AGBL1: variants seen among roughly 807,000 people sequenced by gnomAD.
The protein encoded by AGBL1 is cytosolic carboxypeptidase 4.
Under a neutral mutation model 118.9 loss-of-function variants are expected in AGBL1, and 130 were observed. The observed-to-expected ratio is 1.09, with a 90% confidence interval of 0.95 to 1.26. The LOEUF (loss-of-function observed/expected upper bound fraction) is 1.26, where lower values mean the gene tolerates loss of function less well. Ranked by LOEUF, AGBL1 falls within the 50% of genes most tolerant of loss-of-function variation. The pLI is 0.00. For synonymous variants in AGBL1, 555 were observed against 478.9 expected (o/e 1.16, Z -2.08); for missense variants, 1,584 against 1,298.1 (o/e 1.22, Z -3.38).
At chr15:86,667,868 C>T (rs2085674555) in intron 21 of AGBL1, among the ~76,000 whole-genome samples, 1 of 152,058 alleles carries the variant, frequency 6.6e-6, no homozygotes, top group Non-Finnish European at 1.5e-5. Flanking sequence ...TAAGGGAATA[C>T]CTGAGAGTGA....
intron 3 of AGBL1, among the ~76,000 whole-genome samples, chr15:86,152,662 C>G (rs2077129563): frequency 6.6e-6 from 1 of 152,074 alleles, no homozygotes; most frequent in Admixed American, 6.6e-5. Flanking sequence ...AAAGGAAACA[C>G]ATGGGATCTA....
At chr15:86,869,745 G>C (rs1189519804) in intron 22 of AGBL1, among the ~76,000 whole-genome samples, 1 of 152,116 alleles carries the variant, frequency 6.6e-6, no homozygotes, top group African/African-American at 2.4e-5. Context: ...ATGCTGACAA[G>C]GAGGGCCATG....
chr15:86,356,717 C>CAAG (rs2141912029), intron 17 of AGBL1, among the ~76,000 whole-genome samples: 1 of 152,208 alleles, frequency 6.6e-6, no homozygotes, highest in African/African-American at 2.4e-5. Flanking sequence ...TGAGTTAGAG[C>CAAG]AAGAGTTAAG....
chr15:86,556,400 G>A (rs1307589593), intron 21 of AGBL1: 3 of 875,638 alleles, frequency 3.4e-6, no homozygotes, highest in Middle Eastern at 2.2e-4. Flanking sequence ...GCCAGACCTG[G>A]TTTTGGTTTA....
At chr15:86,591,174 T>A (rs2142351568) in intron 21 of AGBL1, among the ~76,000 whole-genome samples, 1 of 152,362 alleles carries the variant, frequency 6.6e-6, no homozygotes, top group East Asian at 1.9e-4. Context: ...ATTTTATGCA[T>A]CTTTGGTAAG....
chr15:87,011,856 A>G (rs1248481831), intron 24 of AGBL1, among the ~76,000 whole-genome samples: 2 of 152,204 alleles, frequency 1.3e-5, no homozygotes, highest in African/African-American at 4.8e-5. Context: ...CCCATTGTGT[A>G]TATTTTTCTA....
chr15:86,758,652 C>A (rs909685621), intron 22 of AGBL1, among the ~76,000 whole-genome samples: 2 of 151,792 alleles, frequency 1.3e-5, no homozygotes, highest in Non-Finnish European at 2.9e-5. Flanking sequence ...GATCCAGGTG[C>A]CGAGGACTCA....
At chr15:86,983,104 T>A (rs1158577759) in intron 23 of AGBL1, among the ~76,000 whole-genome samples, 1 of 152,190 alleles carries the variant, frequency 6.6e-6, no homozygotes, top group Admixed American at 6.5e-5. Context: ...AATTGGTGTC[T>A]TATTATGGTT....
chr15:86,641,132 A>G (rs2085182939), intron 21 of AGBL1, among the ~76,000 whole-genome samples: 1 of 152,050 alleles, frequency 6.6e-6, no homozygotes, highest in Non-Finnish European at 1.5e-5. Context: ...TCGTACTACA[A>G]TTATTTCTTT....
chr15:86,964,025 C>CTG (rs2081021845), intron 23 of AGBL1, among the ~76,000 whole-genome samples: 1 of 143,220 alleles, frequency 7.0e-6, no homozygotes, highest in Admixed American at 6.9e-5. Context: ...CTCTCTCTCT[C>CTG]TCTCTCTGTG....
intron 23 of AGBL1, among the ~76,000 whole-genome samples, chr15:86,937,641 C>T (rs1238709567): frequency 6.6e-6 from 1 of 152,040 alleles, no homozygotes; most frequent in Non-Finnish European, 1.5e-5. Context: ...ACACTGAGTT[C>T]TACTTGAGGA....
chr15:86,169,026 G>T (rs146184265), intron 5 of AGBL1, among the ~76,000 whole-genome samples: 208 of 152,280 alleles, frequency 1.4e-3, no homozygotes, highest in African/African-American at 4.7e-3. Context: ...GCAACGAAGG[G>T]CAGTGATTCC....
At chr15:86,640,933 CTT>C (rs2085179348) in intron 21 of AGBL1, among the ~76,000 whole-genome samples, 1 of 149,508 alleles carries the variant, frequency 6.7e-6, no homozygotes, top group African/African-American at 2.5e-5. Flanking sequence ...AATATTCACA[CTT>C]AGTTTTGTTT....
At chr15:86,559,623 A>G (rs1463191568) in intron 21 of AGBL1, among the ~76,000 whole-genome samples, 1 of 152,232 alleles carries the variant, frequency 6.6e-6, no homozygotes, top group Non-Finnish European at 1.5e-5. Context: ...CCCTTTACAT[A>G]TCTTAAATTA....
chr15:86,864,296 C>T (rs1461579410), intron 22 of AGBL1, among the ~76,000 whole-genome samples: 1 of 152,134 alleles, frequency 6.6e-6, no homozygotes, highest in African/African-American at 2.4e-5. Flanking sequence ...GTTATTTTTC[C>T]ACTAACTTGC....
At chr15:86,423,592 A>C (rs1368013044) in intron 18 of AGBL1, among the ~76,000 whole-genome samples, 1 of 152,324 alleles carries the variant, frequency 6.6e-6, no homozygotes, top group East Asian at 1.9e-4. Flanking sequence ...AGAGGAAGTC[A>C]AATTGTCTCT....
chr15:86,113,968 A>G (rs562263213), intron 1 of AGBL1, among the ~76,000 whole-genome samples: 1 of 152,332 alleles, frequency 6.6e-6, no homozygotes, highest in African/African-American at 2.4e-5. Flanking sequence ...ACTGATAATT[A>G]CTGTGGAGCT....
chr15:86,737,374 T>A (rs981364579), intron 22 of AGBL1, among the ~76,000 whole-genome samples: 1 of 152,180 alleles, frequency 6.6e-6, no homozygotes, highest in African/African-American at 2.4e-5. Flanking sequence ...CAATGGTGAT[T>A]TATTCCAGGT....
intron 18 of AGBL1, among the ~76,000 whole-genome samples, chr15:86,474,724 G>C (rs529622328): frequency 7.4e-4 from 113 of 152,326 alleles, no homozygotes; most frequent in African/African-American, 2.5e-3. Flanking sequence ...TTTGAAGACA[G>C]TAGTGGTTCT....
Sources: gnomAD v4.1 joint callset for allele counts (sites outside exome capture counted in the v4.1 genomes callset) on GRCh38, gnomAD v4.1.1 for gene constraint, MANE v1.5 for transcripts, NCBI Gene and HGNC (gene_info 2026-07-23, HGNC 2026-07-21) for gene names.